XKR4: variants seen among roughly 807,000 people sequenced by gnomAD.
XKR4 encodes XK-related protein 4.
A neutral mutation model predicts 53.9 loss-of-function variants in XKR4; 12 were observed. The observed-to-expected ratio is 0.22, with a 90% CI of 0.14 to 0.36. The LOEUF is 0.36. Among genes scored for constraint, XKR4 ranks in the 10% least tolerant of loss-of-function variants. The probability of loss-of-function intolerance (pLI) is 1.00; values close to 1 mark genes in which losing one functional copy is unlikely to be tolerated. For synonymous variants in XKR4, 354 were observed against 362.4 expected, an observed-to-expected ratio of 0.98 and a Z score of 0.26; for missense variants, 799 against 859.5, an observed-to-expected ratio of 0.93 and a Z score of 0.88.
intron 2 of XKR4, among the ~76,000 whole-genome samples, chr8:55,403,590 T>G (rs947495430): frequency 1.3e-5 from 2 of 152,258 alleles, no homozygotes; most frequent in East Asian, 3.8e-4. Context: ...AGTTCCATTT[T>G]TCTCGTCACT....
At chr8:55,138,263 G>C (rs569098954) in intron 1 of XKR4, among the ~76,000 whole-genome samples, 1 of 152,256 alleles carries the variant, frequency 6.6e-6, no homozygotes, top group African/African-American at 2.4e-5. Context: ...ATAGGTGAGG[G>C]AGAACTTGAA....
chr8:55,314,918 G>A (rs1030344976), intron 1 of XKR4, among the ~76,000 whole-genome samples: 2 of 152,212 alleles, frequency 1.3e-5, no homozygotes, highest in Non-Finnish European at 2.9e-5. Context: ...CATGGAATGT[G>A]TATCCAGAGG....
intron 1 of XKR4, 90 bp from the exon 2 acceptor site, chr8:55,357,588 A>G: frequency 1.5e-6 from 2 of 1,373,332 alleles, no homozygotes; most frequent in Non-Finnish European, 2.0e-6. Context: ...TTGCTTGCAT[A>G]TGGTGGCTTG....
At chr8:55,263,790 T>G (rs1287797802) in intron 1 of XKR4, among the ~76,000 whole-genome samples, 1 of 152,214 alleles carries the variant, frequency 6.6e-6, no homozygotes, top group Non-Finnish European at 1.5e-5. Flanking sequence ...TCTTTTTGAA[T>G]GCAGACTAAA....
rs5891567 is a variant in XKR4, at chr8:55,273,142, CTGTGTGTGTGTG to C, written c.807-84506_807-84495del. Reference sequence around the variant, plus strand: ...ATAATGTAGTTTGGAGAAAAGAGGACTGTGTGTGTGTGTGTGTGTGTGTGTGTGTGTGTGTGT... The same window carrying C: ...ATAATGTAGTTTGGAGAAAAGAGGACTGTGTGTGTGTGTGTGTGTGTGTGT... On this transcript the variant is annotated intron_variant, in intron 1 of 2. Transcript: ENST00000327381. 6.4e-3 allele frequency among the ~76,000 whole-genome samples: 945 copies of C among 146,886 alleles called. 4 individuals are homozygous for C. Among genetic ancestry groups the C allele is most frequent in the Non-Finnish European group, 9.1e-3 (604 of 66,494 alleles).
At chr8:55,451,679 G>T in intron 2 of XKR4, 1 of 1,532,742 alleles carries the variant, frequency 6.5e-7, no homozygotes, top group Non-Finnish European at 8.9e-7. Context: ...ACGATCAGCA[G>T]CCCCGGGTAC....
rs554393195 is a variant in XKR4, at chr8:55,145,442, T to A, written c.806+42148T>A. On this transcript the variant is annotated intron_variant, in intron 1 of 2. Transcript: ENST00000327381. ...TAAAATTTTTTCTCAAAAAAAAAAA[T>A]GTAATTTCCCTAAGAGGATTGCAAT... Among the ~76,000 whole-genome samples, 585 of 141,256 alleles carry A rather than the reference T, an allele frequency of 4.1e-3. 8 individuals are homozygous for A. Among genetic ancestry groups the A allele is most frequent in the African/African-American group, 0.014 (560 of 38,952 alleles). 92.7% of individuals were successfully genotyped at this position (141,256 alleles called of 152,430 possible). A position where few individuals can be genotyped will look rare whatever the true frequency, so the allele number is the denominator to read the frequency against.
At chr8:55,283,793 G>A (rs1365859374) in intron 1 of XKR4, among the ~76,000 whole-genome samples, 1 of 152,224 alleles carries the variant, frequency 6.6e-6, no homozygotes, top group Non-Finnish European at 1.5e-5. Context: ...CTGGAAGCCT[G>A]TGAATAACTC....
intron 1 of XKR4, chr8:55,142,240 C>G (rs1816716615): frequency 2.2e-6 from 1 of 454,368 alleles, no homozygotes; most frequent in Non-Finnish European, 4.4e-6. Flanking sequence ...GAAACTTGCT[C>G]TTAGACCTCT....
intron 1 of XKR4, among the ~76,000 whole-genome samples, chr8:55,292,650 C>A (rs72651891): frequency 0.13 from 20,219 of 151,912 alleles, 1,553 homozygotes; most frequent in Non-Finnish European, 0.18. Flanking sequence ...CTGCTCTAAT[C>A]TTTATTATTT....
intron 2 of XKR4, among the ~76,000 whole-genome samples, chr8:55,373,134 A>G (rs148107118): frequency 6.6e-6 from 1 of 152,262 alleles, no homozygotes; most frequent in African/African-American, 2.4e-5. Context: ...AGTCTCAGAG[A>G]CTACAAGACT....
intron 1 of XKR4, among the ~76,000 whole-genome samples, chr8:55,262,189 T>C (rs552338406): frequency 6.6e-6 from 1 of 152,344 alleles, no homozygotes; most frequent in East Asian, 1.9e-4. Flanking sequence ...ATGAAACATG[T>C]TAAGTATAAT....
At chr8:55,439,247 CAAAT>C (rs1157264951) in intron 2 of XKR4, among the ~76,000 whole-genome samples, 1 of 151,928 alleles carries the variant, frequency 6.6e-6, no homozygotes, top group Non-Finnish European at 1.5e-5. Context: ...CAGAAGCAAA[CAAAT>C]ACTCTTTGAA....
chr8:55,475,326 G>A (rs1045416624), intron 2 of XKR4, among the ~76,000 whole-genome samples: 4 of 152,080 alleles, frequency 2.6e-5, no homozygotes, highest in South Asian at 2.1e-4. Context: ...GGAATTCCAT[G>A]CCTGAAAATG....
chr8:55,295,519 T>C (rs1585993475), intron 1 of XKR4, among the ~76,000 whole-genome samples: 1 of 152,212 alleles, frequency 6.6e-6, no homozygotes, highest in South Asian at 2.1e-4. Flanking sequence ...ATATGTTAAA[T>C]GATTATTGCA....
chr8:55,501,212 G>A (rs181821717), intron 2 of XKR4, among the ~76,000 whole-genome samples: 80 of 152,238 alleles, frequency 5.3e-4, no homozygotes, highest in African/African-American at 1.8e-3. Flanking sequence ...TACAACTTCC[G>A]CTTGAACTGT....
At chr8:55,383,003 AG>A (rs1157962635) in intron 2 of XKR4, among the ~76,000 whole-genome samples, 1 of 152,108 alleles carries the variant, frequency 6.6e-6, no homozygotes, top group Admixed American at 6.5e-5. Flanking sequence ...ATTTGAAGTT[AG>A]GAGTTTGAGA....
Position 55,524,124 on chromosome 8 carries a change from G to A in XKR4, c.1850G>A (p.Arg617Gln). Residue 617 changes from arginine to glutamine, a missense_variant, in exon 3 of 3, where the codon CGA (arginine) becomes CAA (glutamine). Around this residue, in one of 3 missense-constraint regions of XKR4, gnomAD observed 269 missense variants for 264.4 expected, o/e 1.02. Transcript: ENST00000327381. Reference sequence around the variant, plus strand: ...AGACATGTTTTGGACCGAAGCCTCCGAAAGGCTATTTTAGCTTTTGAATGT... The same window carrying A: ...AGACATGTTTTGGACCGAAGCCTCCAAAAGGCTATTTTAGCTTTTGAATGT... ...WERHVLDRSL[R>Q]KAILAFECSP... The A allele has an allele frequency of 6.2e-7, 1 of 1,614,180 alleles. No homozygotes were observed. Among genetic ancestry groups the A allele is most frequent in the Non-Finnish European group, 8.5e-7 (1 of 1,180,026 alleles).
At chr8:55,135,660 A>G (rs963661163) in intron 1 of XKR4, 3 of 456,036 alleles carry the variant, frequency 6.6e-6, no homozygotes, top group Admixed American at 2.3e-5. Context: ...AGTCTTCAAA[A>G]AACAGGGAGA....
Sources: gnomAD v4.1 joint callset for allele counts (sites outside exome capture counted in the v4.1 genomes callset) on GRCh38, gnomAD v4.1.1 for gene constraint, gnomAD v4.1.1 regional missense constraint, MANE v1.5 for transcripts, NCBI Gene and HGNC (gene_info 2026-07-23, HGNC 2026-07-21) for gene names.